Variants in MASP1 observed in about 807,000 individuals in gnomAD.
The protein encoded by MASP1 is MBL associated serine protease 1.
A neutral mutation model predicts 77.1 loss-of-function variants in MASP1; 59 were observed. That is an observed-to-expected ratio of 0.77 (90% CI 0.62 to 0.95). The LOEUF is 0.95. MASP1 is among the 40% of genes least tolerant of loss of function. MASP1 has a pLI of 0.00. For missense variants in MASP1, 885 were observed against 912.9 expected (o/e 0.97, Z 0.39); for synonymous variants, 362 against 354.5 (o/e 1.02, Z -0.24).
chr3:187,251,609 C>G, intron 7 of MASP1, 25 bp downstream of exon 7: 2 of 1,590,268 alleles, frequency 1.3e-6, no homozygotes, highest in Non-Finnish European at 1.7e-6. Flanking sequence ...CTGGTCACTC[C>G]CCTTTCCCAG....
chr3:187,265,191 T>C (rs1715915481), intron 2 of MASP1, among the ~76,000 whole-genome samples: 1 of 152,122 alleles, frequency 6.6e-6, no homozygotes, highest in African/African-American at 2.4e-5. Flanking sequence ...CGGATGAACT[T>C]GAATTTGTTA....
At chr3:187,274,023 C>T (rs1252925533) in intron 2 of MASP1, among the ~76,000 whole-genome samples, 1 of 152,120 alleles carries the variant, frequency 6.6e-6, no homozygotes, top group African/African-American at 2.4e-5. Context: ...GCCTGGCCAA[C>T]ATTGTGAAAC....
intron 2 of MASP1, among the ~76,000 whole-genome samples, chr3:187,281,744 A>T (rs1717429190): frequency 6.6e-6 from 1 of 152,158 alleles, no homozygotes. Context: ...TTGGGATTAC[A>T]ATTCCAGAAT....
intron 9 of MASP1, chr3:187,241,828 C>A: frequency 2.6e-6 from 1 of 381,004 alleles, no homozygotes; most frequent in African/African-American, 2.1e-5. Context: ...CCTAGTCCTT[C>A]TATCAAACTC....
At chr3:187,230,040 TC>T, downstream of MASP1, 1 of 895,850 alleles carries the variant, frequency 1.1e-6, no homozygotes, top group Non-Finnish European at 1.7e-6. Flanking sequence ...GATAATAGCA[TC>T]CCAGTCTTTC....
intron 8 of MASP1, chr3:187,247,180 A>G: frequency 6.5e-7 from 1 of 1,529,130 alleles, no homozygotes; most frequent in Non-Finnish European, 8.8e-7. Flanking sequence ...AGCAGCTTCA[A>G]CTGCTGAGAT....
At chr3:187,227,680 C>T (rs1712516170) in intron 11 of MASP1, among the ~76,000 whole-genome samples, 1 of 152,206 alleles carries the variant, frequency 6.6e-6, no homozygotes, top group Non-Finnish European at 1.5e-5. Context: ...CTCTTCTCTG[C>T]CCTGGGGCAT....
At chr3:187,225,516 A>G (rs1192280819) in intron 12 of MASP1, 1 of 1,614,090 alleles carries the variant, frequency 6.2e-7, no homozygotes, top group Non-Finnish European at 8.5e-7. Flanking sequence ...TTGCCTGGGC[A>G]AGAAGAAGAC....
Position 187,253,202 on chromosome 3 carries a change from C to T in MASP1, c.858G>A (p.Glu286=). 2 of 1,614,170 alleles carry T rather than the reference C, an allele frequency of 1.2e-6. No individual in the cohort carries two copies. The highest frequency in any genetic ancestry group is 1.7e-6 in the Non-Finnish European group (2 of 1,180,026). ...LILFHSDNSG[E]NRGWRLSYRA... ...TGTATGAGAGCCTCCAGCCCCGGTT[C>T]TCTCCCGAGTTGTCACTATGGAACA... The change falls in exon 6 of 11, where the codon GAG becomes GAA. Residue 286 remains glutamate (E), a synonymous_variant. Transcript: ENST00000296280.
chr3:187,231,377 CCTT>C (rs979322820), downstream of MASP1, among the ~76,000 whole-genome samples: 1 of 152,212 alleles, frequency 6.6e-6, no homozygotes, highest in African/African-American at 2.4e-5. Context: ...CACAGTCTCT[CCTT>C]CTCCTCCCTT....
At chr3:187,242,625 G>A (rs1460639323) in intron 9 of MASP1, 3 of 152,504 alleles carry the variant, frequency 2.0e-5, no homozygotes, top group African/African-American at 7.2e-5. Flanking sequence ...CTCCCTGAGA[G>A]TTCCTTTTCT....
At chr3:187,274,978 G>T (rs1716846216) in intron 2 of MASP1, among the ~76,000 whole-genome samples, 1 of 148,994 alleles carries the variant, frequency 6.7e-6, no homozygotes, top group African/African-American at 2.5e-5. Context: ...GGTGGGGTGG[G>T]AGGGAAGAGT....
rs1713111710 is a variant in MASP1, at chr3:187,235,833, C to T, written c.2038G>A (p.Val680Met). The part of the protein sequence containing the change: ...IFDDLSQRWV[V>M]QGLVSWGGPE... ...CCCCCCCAGGACACCAGGCCTTGCA[C>T]CACCCAGCGCTGGCTCAAGTCATCA... The change falls in exon 11 of 11, where the codon GTG (valine) becomes ATG (methionine). Residue 680 changes from valine (V) to methionine (M), a missense_variant. Val to Met is a conservative substitution (Grantham distance 21). Coordinates refer to ENST00000296280, the MANE Select transcript of MASP1 (RefSeq NM_139125.4). The T allele has an allele frequency of 1.2e-6, 2 of 1,614,204 alleles. No homozygotes were observed. The highest frequency in any genetic ancestry group is 1.7e-6 in the Non-Finnish European group (2 of 1,180,030).
chr3:187,229,571 T>A (rs1712640985), downstream of MASP1, among the ~76,000 whole-genome samples: 1 of 152,156 alleles, frequency 6.6e-6, no homozygotes. Flanking sequence ...GTTGAGAGAC[T>A]CCCTGACTTT....
intron 14 of MASP1, chr3:187,221,191 T>C: frequency 7.7e-7 from 1 of 1,296,610 alleles, no homozygotes; most frequent in African/African-American, 1.5e-5. Flanking sequence ...TCTGCTATTC[T>C]GACACCCCTG....
At chr3:187,255,446 C>T (rs894338522) in intron 5 of MASP1, among the ~76,000 whole-genome samples, 4 of 152,306 alleles carry the variant, frequency 2.6e-5, no homozygotes, top group African/African-American at 9.6e-5. Context: ...CAGCTGACAC[C>T]TTGATTTCAG....
chr3:187,290,770 T>TTGTGTG (rs55722614), intron 1 of MASP1, among the ~76,000 whole-genome samples: 120 of 149,892 alleles, frequency 8.0e-4, no homozygotes, highest in Middle Eastern at 6.9e-3. Context: ...CTGCAGAGCA[T>TTGTGTG]TGTGTGTGTG....
At chr3:187,283,039 C>T (rs954756360) in intron 2 of MASP1, among the ~76,000 whole-genome samples, 2 of 152,126 alleles carry the variant, frequency 1.3e-5, no homozygotes, top group Non-Finnish European at 2.9e-5. Context: ...TATTCTTCTC[C>T]ACTCCATGTC....
intron 10 of MASP1, among the ~76,000 whole-genome samples, chr3:187,240,582 G>A (rs1049405741): frequency 2.0e-5 from 3 of 152,130 alleles, no homozygotes; most frequent in African/African-American, 7.2e-5. Context: ...ACTTTTCTAA[G>A]TTGACTTGAA....
Sources: gnomAD v4.1 joint callset for allele counts (sites outside exome capture counted in the v4.1 genomes callset) on GRCh38, gnomAD v4.1.1 for gene constraint, MANE v1.5 for transcripts, NCBI Gene and HGNC (gene_info 2026-07-23, HGNC 2026-07-21) for gene names.